Variants in PCDH15 observed in about 807,000 individuals in gnomAD.
PCDH15 encodes protocadherin related 15.
PCDH15 carries 129 observed loss-of-function variants against 178.5 expected under a neutral mutation model. That is an observed-to-expected ratio of 0.72 (90% CI 0.63 to 0.84). The LOEUF is 0.84. PCDH15 is among the 40% of genes least tolerant of loss of function. The probability of loss-of-function intolerance (pLI) is 0.00; values close to 1 mark genes in which losing one functional copy is unlikely to be tolerated. For synonymous variants in PCDH15, 800 were observed against 732.0 expected (o/e 1.09, Z -1.50); for missense variants, 2,230 against 2,099.9 (o/e 1.06, Z -1.21).
intron 1 of PCDH15, among the ~76,000 whole-genome samples, chr10:54,797,641 T>A (rs1261700440): frequency 6.6e-6 from 1 of 152,054 alleles, no homozygotes; most frequent in Admixed American, 6.6e-5. Flanking sequence ...TTCATTTTGC[T>A]GGCTTCATTT....
At chr10:55,303,148 T>A (rs1843330578) in intron 1 of PCDH15, among the ~76,000 whole-genome samples, 1 of 152,080 alleles carries the variant, frequency 6.6e-6, no homozygotes, top group African/African-American at 2.4e-5. Flanking sequence ...TAAGAAATAT[T>A]CATGACAGTT....
intron 14 of PCDH15, among the ~76,000 whole-genome samples, chr10:54,150,381 T>G (rs901857374): frequency 6.6e-6 from 1 of 152,084 alleles, no homozygotes; most frequent in Non-Finnish European, 1.5e-5. Flanking sequence ...CTACACCTGG[T>G]GTAGTATTGA....
intron 2 of PCDH15, among the ~76,000 whole-genome samples, chr10:55,414,142 TTTC>T: frequency 6.6e-6 from 1 of 151,768 alleles, no homozygotes; most frequent in East Asian, 1.9e-4. Context: ...ATAAAATTTT[TTTC>T]TTAACAATGT....
chr10:54,204,903 G>A (rs2050630683), intron 10 of PCDH15, among the ~76,000 whole-genome samples: 2 of 152,156 alleles, frequency 1.3e-5, no homozygotes, highest in African/African-American at 2.4e-5. Flanking sequence ...CTTATCTGCT[G>A]CCTTAAAATA....
intron 10 of PCDH15, among the ~76,000 whole-genome samples, chr10:54,201,731 A>G (rs1357702105): frequency 1.7e-5 from 2 of 119,422 alleles, no homozygotes; most frequent in African/African-American, 3.4e-5. Context: ...TTCGATAGAT[A>G]TTTATGGATG....
intron 25 of PCDH15, among the ~76,000 whole-genome samples, chr10:53,913,396 A>G (rs373071265): frequency 6.6e-6 from 1 of 152,082 alleles, no homozygotes; most frequent in South Asian, 2.1e-4. Context: ...CACCAAAAGC[A>G]ATGGCACCGA....
chr10:55,159,694 T>A (rs1271703507), intron 2 of PCDH15, among the ~76,000 whole-genome samples: 1 of 147,786 alleles, frequency 6.8e-6, no homozygotes, highest in African/African-American at 2.5e-5. Context: ...ATATATTTCT[T>A]AAGATATATC....
At chr10:55,345,665 CTTGTG>C (rs752538438) in intron 2 of PCDH15, among the ~76,000 whole-genome samples, 7 of 129,276 alleles carry the variant, frequency 5.4e-5, no homozygotes, top group Non-Finnish European at 1.2e-4. Flanking sequence ...CTACTATTTT[CTTGTG>C]TTGTGTGATA....
At chr10:55,622,152 TA>T (rs1196932830) in intron 2 of PCDH15, among the ~76,000 whole-genome samples, 4 of 75,732 alleles carry the variant, frequency 5.3e-5, no homozygotes, top group East Asian at 6.9e-4. Context: ...TATATATCTA[TA>T]AATATATATA....
chr10:54,833,396 C>G (rs1473426589), intron 3 of PCDH15, among the ~76,000 whole-genome samples: 1 of 152,164 alleles, frequency 6.6e-6, no homozygotes, highest in South Asian at 2.1e-4. Context: ...AGATTACCCT[C>G]CACAAAGTGG....
intron 2 of PCDH15, among the ~76,000 whole-genome samples, chr10:55,626,742 A>G (rs570284312): frequency 6.6e-6 from 1 of 152,360 alleles, no homozygotes; most frequent in African/African-American, 2.4e-5. Context: ...AACATACTGT[A>G]TACAAAATCT....
At chr10:54,524,323 G>C (rs2083173277) in intron 3 of PCDH15, among the ~76,000 whole-genome samples, 1 of 150,980 alleles carries the variant, frequency 6.6e-6, no homozygotes, top group South Asian at 2.1e-4. Context: ...TTTTGTCTCT[G>C]CATCTGTCCA....
At chr10:54,638,737 G>A (rs1338251035) in intron 2 of PCDH15, among the ~76,000 whole-genome samples, 5 of 152,072 alleles carry the variant, frequency 3.3e-5, no homozygotes, top group Admixed American at 6.6e-5. Context: ...ATACACATGC[G>A]CATTTATTTG....
intron 2 of PCDH15, among the ~76,000 whole-genome samples, chr10:55,341,780 TATATATATATATATATATATATA>T (rs1565031763): frequency 2.0e-4 from 2 of 10,056 alleles, no homozygotes; most frequent in African/African-American, 4.5e-4. Flanking sequence ...TATATATATA[TATATATATATATATATATATATA>T]TATTTTTTTT....
At chr10:53,846,782 C>T (rs2078004683) in intron 28 of PCDH15, among the ~76,000 whole-genome samples, 2 of 152,012 alleles carry the variant, frequency 1.3e-5, no homozygotes, top group Admixed American at 6.6e-5. Flanking sequence ...CAGGTATTTA[C>T]TCATGGTTGA....
At chr10:55,290,580 C>T (rs749888084) in intron 1 of PCDH15, among the ~76,000 whole-genome samples, 11 of 152,118 alleles carry the variant, frequency 7.2e-5, no homozygotes, top group African/African-American at 2.7e-4. Flanking sequence ...CCAACTCCAA[C>T]CTCTTTAATA....
intron 1 of PCDH15, among the ~76,000 whole-genome samples, chr10:54,703,711 G>A (rs1242716403): frequency 6.6e-6 from 1 of 151,932 alleles, no homozygotes; most frequent in African/African-American, 2.4e-5. Context: ...ACAAAACATT[G>A]AGGAAATAAA....
intron 26 of PCDH15, among the ~76,000 whole-genome samples, chr10:53,870,841 T>G (rs986888930): frequency 6.6e-6 from 1 of 152,024 alleles, no homozygotes; most frequent in Non-Finnish European, 1.5e-5. Flanking sequence ...ACACACTGAG[T>G]CACACCAGAG....
intron 1 of PCDH15, among the ~76,000 whole-genome samples, chr10:55,173,309 A>ATGTGTGTGTGTGTGTGTGTGTGTG (rs775260037): frequency 3.1e-4 from 41 of 133,038 alleles, no homozygotes; most frequent in Non-Finnish European, 5.0e-4. Flanking sequence ...TAGAAAGATT[A>ATGTGTGTGTGTGTGTGTGTGTGTG]TGTGTGTGTG....
Sources: gnomAD v4.1 joint callset for allele counts (sites outside exome capture counted in the v4.1 genomes callset) on GRCh38, gnomAD v4.1.1 for gene constraint, MANE v1.5 for transcripts, NCBI Gene and HGNC (gene_info 2026-07-23, HGNC 2026-07-21) for gene names.